Variants in STXBP5L observed in about 807,000 individuals in gnomAD.
The protein encoded by STXBP5L is syntaxin binding protein 5L.
A neutral mutation model predicts 144.5 loss-of-function variants in STXBP5L; 65 were observed. The observed-to-expected ratio is 0.45, with a 90% CI of 0.37 to 0.55. The LOEUF (loss-of-function observed/expected upper bound fraction) is 0.55, where lower values mean the gene tolerates loss of function less well. STXBP5L is among the 20% of genes least tolerant of loss of function. The probability of loss-of-function intolerance (pLI) is 0.00; values close to 1 mark genes in which losing one functional copy is unlikely to be tolerated. For synonymous variants in STXBP5L, 505 were observed against 469.6 expected, an observed-to-expected ratio of 1.08 and a Z score of -0.97; for missense variants, 1,298 against 1,405.5, an observed-to-expected ratio of 0.92 and a Z score of 1.22.
chr3:120,917,842 A>C (rs1220120330), intron 2 of STXBP5L, among the ~76,000 whole-genome samples: 1 of 152,260 alleles, frequency 6.6e-6, no homozygotes, highest in Non-Finnish European at 1.5e-5. Context: ...AAATAAAAGC[A>C]TGTGATTCTA....
intron 5 of STXBP5L, among the ~76,000 whole-genome samples, chr3:121,081,528 T>C (rs1386984154): frequency 1.3e-5 from 2 of 152,254 alleles, no homozygotes; most frequent in Non-Finnish European, 2.9e-5. Context: ...AGTAGTTATA[T>C]ACTTGGTATA....
At chr3:120,960,928 GC>G (rs1269503640) in intron 3 of STXBP5L, among the ~76,000 whole-genome samples, 1 of 151,232 alleles carries the variant, frequency 6.6e-6, no homozygotes, top group African/African-American at 2.4e-5. Context: ...AAGGAATTCA[GC>G]CATGATACTA....
At chr3:121,134,801 A>G (rs2045168772) in intron 7 of STXBP5L, among the ~76,000 whole-genome samples, 2 of 152,204 alleles carry the variant, frequency 1.3e-5, no homozygotes, top group South Asian at 4.1e-4. Context: ...AATCCAGTCT[A>G]TCATTGATGG....
intron 3 of STXBP5L, among the ~76,000 whole-genome samples, chr3:121,007,236 C>T (rs187818577): frequency 5.0e-4 from 76 of 151,956 alleles, no homozygotes; most frequent in African/African-American, 1.7e-3. Context: ...TGTGATAAGC[C>T]CCCTTGATTA....
At position 121,423,687 on chromosome 3, in the gene STXBP5L, C is replaced by T. The variant is rs1489444557; in HGVS notation, c.*4590C>T. ...CAGACACCAATATTTGCGAAAGCCT[C>T]CAAGGCGGTTCTAATGTCCAGCCAA... On this transcript the variant is annotated 3_prime_UTR_variant, in exon 27 of 27. Coordinates refer to ENST00000471454, the MANE Select transcript of STXBP5L (RefSeq NM_001308330.2). The T allele has an allele frequency of 2.0e-5, 3 of 152,210 alleles. No homozygotes were observed. Among genetic ancestry groups the T allele is most frequent in the African/African-American group, 4.8e-5 (2 of 41,462 alleles). 9.4% of individuals were successfully genotyped at this position (152,210 alleles called of 1,614,324 possible).
chr3:121,349,299 T>C (rs1001455159), intron 20 of STXBP5L, among the ~76,000 whole-genome samples: 2 of 152,096 alleles, frequency 1.3e-5, no homozygotes, highest in Non-Finnish European at 2.9e-5. Context: ...GCGTTCTAGT[T>C]TGATTGCACT....
chr3:121,309,289 T>A (rs2043447250), intron 19 of STXBP5L, among the ~76,000 whole-genome samples: 1 of 151,920 alleles, frequency 6.6e-6, no homozygotes, highest in African/African-American at 2.4e-5. Flanking sequence ...GTAAATAGGT[T>A]GAAAATGAAT....
chr3:121,280,879 C>T (rs964138928), intron 19 of STXBP5L, among the ~76,000 whole-genome samples: 1 of 151,268 alleles, frequency 6.6e-6, no homozygotes, highest in East Asian at 1.9e-4. Context: ...AATTCAAGAC[C>T]AGTCTACGTA....
intron 9 of STXBP5L, 93 bp from the exon 10 acceptor site, chr3:121,205,830 T>G: frequency 1.7e-6 from 1 of 575,718 alleles, no homozygotes; most frequent in South Asian, 3.0e-5. Context: ...ACATTATTAT[T>G]CCTTTATCTT....
At chr3:121,047,955 A>G (rs972857900) in intron 5 of STXBP5L, among the ~76,000 whole-genome samples, 11 of 152,102 alleles carry the variant, frequency 7.2e-5, no homozygotes, top group African/African-American at 2.4e-4. Context: ...CAGTTTGTAT[A>G]CTTAAGTGTC....
chr3:121,076,478 A>G (rs1279435682), intron 5 of STXBP5L, among the ~76,000 whole-genome samples: 1 of 152,022 alleles, frequency 6.6e-6, no homozygotes, highest in African/African-American at 2.4e-5. Context: ...TGTCCAGGCC[A>G]TTAGAGTCTT....
chr3:121,173,961 G>A (rs1034394818), intron 9 of STXBP5L, among the ~76,000 whole-genome samples: 3 of 152,022 alleles, frequency 2.0e-5, no homozygotes, highest in African/African-American at 7.2e-5. Context: ...TGAAAAATAT[G>A]TAAGAACCGG....
At chr3:121,212,887 C>A (rs1011575605) in intron 10 of STXBP5L, among the ~76,000 whole-genome samples, 2 of 152,116 alleles carry the variant, frequency 1.3e-5, no homozygotes, top group Admixed American at 1.3e-4. Flanking sequence ...TCTCTTATTT[C>A]CTTGAGCAGT....
rs1437895700 is a variant in STXBP5L, at chr3:121,328,303, T to A, written c.2176+9763T>A. ...AGGGCTTTACACACATTCCTTCCATTAATCCTGACAAGATTCTTGTGAAGT... is the reference window on the plus strand; with the variant it reads ...AGGGCTTTACACACATTCCTTCCATAAATCCTGACAAGATTCTTGTGAAGT... On this transcript the variant is annotated intron_variant, in intron 20 of 26. Transcript: ENST00000471454. Among the ~76,000 whole-genome samples, 7 of 152,354 alleles carry A rather than the reference T, an allele frequency of 4.6e-5. No individual in the cohort carries two copies. In the East Asian group the frequency reaches 1.3e-3, roughly 29 times the overall value.
intron 19 of STXBP5L, among the ~76,000 whole-genome samples, chr3:121,299,696 A>C (rs1389461389): frequency 6.6e-6 from 1 of 152,106 alleles, no homozygotes; most frequent in East Asian, 1.9e-4. Context: ...AACTAGAAAA[A>C]TACAAAAAGG....
chr3:120,980,936 T>G (rs1396837815), intron 3 of STXBP5L, among the ~76,000 whole-genome samples: 1 of 152,116 alleles, frequency 6.6e-6, no homozygotes, highest in Non-Finnish European at 1.5e-5. Flanking sequence ...GTCTAGGAAA[T>G]ATTTTATTTT....
intron 10 of STXBP5L, among the ~76,000 whole-genome samples, chr3:121,214,447 G>T (rs1007165795): frequency 2.0e-5 from 3 of 152,050 alleles, no homozygotes; most frequent in South Asian, 2.1e-4. Flanking sequence ...ATTTATTTCT[G>T]CCTTAATTTC....
chr3:121,327,842 T>C (rs2044201114), intron 20 of STXBP5L, among the ~76,000 whole-genome samples: 1 of 152,192 alleles, frequency 6.6e-6, no homozygotes, highest in African/African-American at 2.4e-5. Context: ...AGAAATCAAA[T>C]TGTTATAATT....
chr3:121,362,453 A>G (rs1432093736), intron 20 of STXBP5L, among the ~76,000 whole-genome samples: 7 of 152,158 alleles, frequency 4.6e-5, no homozygotes, highest in African/African-American at 1.2e-4. Context: ...CACAAGACAG[A>G]GTCCTTCCTA....
Sources: gnomAD v4.1 joint callset for allele counts (sites outside exome capture counted in the v4.1 genomes callset) on GRCh38, gnomAD v4.1.1 for gene constraint, MANE v1.5 for transcripts, NCBI Gene and HGNC (gene_info 2026-07-23, HGNC 2026-07-21) for gene names.